Variants in TMEM132B observed in about 807,000 individuals in gnomAD.
TMEM132B encodes the protein transmembrane protein 132B.
Under a neutral mutation model 90.8 loss-of-function variants are expected in TMEM132B, and 18 were observed. The observed-to-expected ratio is 0.20, with a 90% CI of 0.14 to 0.29. The LOEUF (loss-of-function observed/expected upper bound fraction) is 0.29. Among genes scored for constraint, TMEM132B ranks in the 10% least tolerant of loss-of-function variants. TMEM132B has a pLI of 1.00. For missense variants in TMEM132B, 1,096 were observed against 1,326.8 expected, an observed-to-expected ratio of 0.83 and a Z score of 2.70; for synonymous variants, 504 against 523.3, an observed-to-expected ratio of 0.96 and a Z score of 0.50.
intron 3 of TMEM132B, among the ~76,000 whole-genome samples, chr12:125,442,028 G>A (rs973808315): frequency 1.3e-4 from 20 of 152,282 alleles, no homozygotes; most frequent in African/African-American, 4.6e-4. Flanking sequence ...AAATGGATCC[G>A]TCAAGAGAAT....
rs1879995643 is a variant in TMEM132B, at chr12:125,415,824, C to G, written c.1106+147C>G. 9.0e-7 allele frequency: 1 copy of G among 1,108,108 alleles called. No individual in the cohort carries two copies. The highest frequency in any genetic ancestry group is 1.2e-6 in the Non-Finnish European group (1 of 822,032). 68.6% of individuals were successfully genotyped at this position (1,108,108 alleles called of 1,614,324 possible). On this transcript the variant is annotated intron_variant, in intron 3 of 8. Coordinates refer to ENST00000682704, the MANE Select transcript of TMEM132B (RefSeq NM_001366854.1). The surrounding 1 kb of genome is among the most constrained non-coding windows in gnomAD (Gnocchi z 5.3). ...TTTTGAGGTCGGCAGTCTCAAAAAT[C>G]ACCAGAGTTCACATTTATCACAGCG...
chr12:125,332,099 A>T (rs983911588), intron 1 of TMEM132B, among the ~76,000 whole-genome samples: 10 of 152,164 alleles, frequency 6.6e-5, no homozygotes, highest in Admixed American at 1.3e-4. Context: ...TGAAAATAAT[A>T]CTCTAGCTCA....
intron 4 of TMEM132B, among the ~76,000 whole-genome samples, chr12:125,521,013 G>T (rs1184948895): frequency 6.6e-6 from 1 of 152,246 alleles, no homozygotes; most frequent in Non-Finnish European, 1.5e-5. Context: ...ATGGATGGGT[G>T]TGGGTTTTAA....
intron 3 of TMEM132B, among the ~76,000 whole-genome samples, chr12:125,506,745 A>G (rs1320744505): frequency 6.6e-6 from 1 of 152,228 alleles, no homozygotes; most frequent in Admixed American, 6.5e-5. Context: ...TATAGCTTCA[A>G]TACCCTTCTG....
At chr12:125,346,073 T>TC in intron 1 of TMEM132B, among the ~76,000 whole-genome samples, 1 of 152,204 alleles carries the variant, frequency 6.6e-6, no homozygotes, top group Non-Finnish European at 1.5e-5. Context: ...TTTATGGCTT[T>TC]CCATATACAC....
chr12:125,593,440 C>T (rs1429386610), intron 5 of TMEM132B, among the ~76,000 whole-genome samples: 1 of 152,236 alleles, frequency 6.6e-6, no homozygotes, highest in Non-Finnish European at 1.5e-5. Context: ...CCAGCTCCAC[C>T]TGCCCAGTAA....
rs1476866269 is a variant in TMEM132B, at chr12:125,209,091, G to A, written c.67+22225G>A. Among the ~76,000 whole-genome samples, 2 of 152,216 alleles carry A rather than the reference G, an allele frequency of 1.3e-5. No individual in the cohort carries two copies. The highest frequency in any genetic ancestry group is 2.9e-5 in the Non-Finnish European group (2 of 68,044). ...GAAATCAGAAGGGAGCTCCCGCATG[G>A]AGGGGAAGGGATTGTACTCTGATGT... On this transcript the variant is annotated intron_variant, in intron 1 of 8. Transcript: ENST00000682704. This position sits in a 1 kb window ranked among gnomAD's most constrained non-coding sequence, Gnocchi z 4.4.
At chr12:125,285,933 C>T (rs1420928382) in intron 1 of TMEM132B, among the ~76,000 whole-genome samples, 1 of 152,184 alleles carries the variant, frequency 6.6e-6, no homozygotes, top group Non-Finnish European at 1.5e-5. Flanking sequence ...GTGCTTTCTG[C>T]GCCTAGACAC....
chr12:125,622,099 A>G (rs1399223589), intron 5 of TMEM132B, among the ~76,000 whole-genome samples: 1 of 152,006 alleles, frequency 6.6e-6, no homozygotes, highest in Non-Finnish European at 1.5e-5. Context: ...CTGCAGTCCC[A>G]TGTCCTGTCA....
intron 3 of TMEM132B, among the ~76,000 whole-genome samples, chr12:125,437,156 G>A (rs1200275363): frequency 6.6e-6 from 1 of 152,188 alleles, no homozygotes; most frequent in Admixed American, 6.5e-5. Context: ...AGGAGGGGCT[G>A]CCTGGGAGGG....
At position 125,644,276 on chromosome 12, in the gene TMEM132B, C is replaced by A. The variant is rs1175326208; in HGVS notation, c.1638C>A (p.Asn546Lys). The A allele has an allele frequency of 6.2e-7, 1 of 1,613,972 alleles. No homozygotes were observed. Among genetic ancestry groups the A allele is most frequent in the Admixed American group, 1.7e-5 (1 of 59,998 alleles). ...GCTGGAGGATCCCGGTTGCTGCCAA[C>A]AGAAGGTGAGGAATCAAAGAGAAGG... The part of the protein sequence containing the change: ...IKGWRIPVAA[N>K]RRPTRESDDE... Residue 546 changes from asparagine (N) to lysine (K), a missense_variant, in exon 6 of 9, where the codon AAC becomes AAA. Transcript: ENST00000682704.
At chr12:125,605,016 G>A (rs1885659489) in intron 5 of TMEM132B, among the ~76,000 whole-genome samples, 1 of 152,186 alleles carries the variant, frequency 6.6e-6, no homozygotes, top group Admixed American at 6.5e-5. Context: ...TTATTAAAGA[G>A]TGGAAGTTTG....
intron 5 of TMEM132B, among the ~76,000 whole-genome samples, chr12:125,630,998 C>T (rs1266007963): frequency 6.6e-6 from 1 of 152,080 alleles, no homozygotes; most frequent in Non-Finnish European, 1.5e-5. Context: ...TTTATTTCTG[C>T]TCCAATCTTT....
intron 3 of TMEM132B, among the ~76,000 whole-genome samples, chr12:125,421,838 A>G (rs1000914486): frequency 2.6e-5 from 4 of 152,270 alleles, no homozygotes; most frequent in African/African-American, 9.6e-5. Context: ...TTTGTGAAAC[A>G]TGAACTGGCC....
rs1555233006 is a variant in TMEM132B at position 125,231,237 on chromosome 12, G to GTGTGTGTGTGTA, written c.67+44372_67+44373insGTGTGTGTGTAT. Among the ~76,000 whole-genome samples, 6 of 148,604 alleles carry GTGTGTGTGTGTA rather than the reference G, an allele frequency of 4.0e-5. 2 individuals carry two copies. The highest frequency in any genetic ancestry group is 8.9e-5 in the Non-Finnish European group (6 of 67,410). ...TGTGTGTGTGTGTGTGTGTGTGTGT[G>GTGTGTGTGTGTA]TATATCTGTGTCCTGCTCCTCTTCT... is the stretch of plus-strand genomic sequence containing the variant. On this transcript the variant is annotated intron_variant, in intron 1 of 8. Coordinates refer to ENST00000682704, the MANE Select transcript of TMEM132B (RefSeq NM_001366854.1).
chr12:125,516,120 CTA>C (rs1200660985), intron 3 of TMEM132B, among the ~76,000 whole-genome samples: 3 of 151,696 alleles, frequency 2.0e-5, no homozygotes, highest in African/African-American at 7.3e-5. Flanking sequence ...CACACACACA[CTA>C]TCGCAATCTC....
At chr12:125,214,177 G>C (rs1565976561) in intron 1 of TMEM132B, among the ~76,000 whole-genome samples, 1 of 152,154 alleles carries the variant, frequency 6.6e-6, no homozygotes, top group Admixed American at 6.5e-5. Context: ...AAGTCAAACT[G>C]GCATAGCTGA....
chr12:125,294,131 C>T (rs922245120), intron 1 of TMEM132B, among the ~76,000 whole-genome samples: 3 of 152,246 alleles, frequency 2.0e-5, no homozygotes, highest in African/African-American at 7.2e-5. Flanking sequence ...GAGGCCTCCA[C>T]CACTGTGAGC....
chr12:125,428,899 C>A (rs1180277358), intron 3 of TMEM132B, among the ~76,000 whole-genome samples: 1 of 152,144 alleles, frequency 6.6e-6, no homozygotes, highest in Non-Finnish European at 1.5e-5. Context: ...GTTGGGTAAC[C>A]TGATGGTGTT....
Sources: gnomAD v4.1 joint callset for allele counts (sites outside exome capture counted in the v4.1 genomes callset) on GRCh38, gnomAD v4.1.1 for gene constraint, Gnocchi (gnomAD v3.1) non-coding constraint, MANE v1.5 for transcripts, NCBI Gene and HGNC (gene_info 2026-07-23, HGNC 2026-07-21) for gene names.